SPMIP2: variants seen among roughly 807,000 people sequenced by gnomAD.
The protein encoded by SPMIP2 is protein SPMIP2.
the SPMIP2 span, among the ~76,000 whole-genome samples, chr4:159,044,491 T>C: frequency 1.3e-5 from 2 of 151,274 alleles, no homozygotes; most frequent in African/African-American, 2.4e-5. Context: ...ATGGGAGAAG[T>C]TAAAAAAAAA....
At chr4:158,935,551 T>C in the SPMIP2 span, among the ~76,000 whole-genome samples, 3 of 152,212 alleles carry the variant, frequency 2.0e-5, no homozygotes, top group African/African-American at 7.2e-5. Flanking sequence ...TGTGCTTGTT[T>C]CTCTAATGAT....
chr4:158,976,529 A>C, the SPMIP2 span, among the ~76,000 whole-genome samples: 2 of 152,130 alleles, frequency 1.3e-5, no homozygotes, highest in Non-Finnish European at 2.9e-5. Context: ...CCTTTTCTGC[A>C]TCTATTGAGA....
At chr4:159,054,024 A>G in the SPMIP2 span, among the ~76,000 whole-genome samples, 3 of 152,094 alleles carry the variant, frequency 2.0e-5, no homozygotes, top group Admixed American at 2.0e-4. Flanking sequence ...CCCAGGCTGG[A>G]GTATAGTGGT....
the SPMIP2 span, among the ~76,000 whole-genome samples, chr4:158,982,200 C>A: frequency 2.0e-5 from 3 of 152,154 alleles, no homozygotes; most frequent in Non-Finnish European, 4.4e-5. Context: ...GCACTCAATA[C>A]AGGAGCACCC....
At chr4:158,999,074 G>A in the SPMIP2 span, among the ~76,000 whole-genome samples, 1 of 151,906 alleles carries the variant, frequency 6.6e-6, no homozygotes, top group Non-Finnish European at 1.5e-5. Flanking sequence ...TGAGGCTGGA[G>A]GATTGCTTGA....
chr4:159,026,379 C>A, the SPMIP2 span: 1 of 812,866 alleles, frequency 1.2e-6, no homozygotes, highest in South Asian at 1.3e-5. Context: ...AGACTCTCTA[C>A]AACTTTACAG....
the SPMIP2 span, among the ~76,000 whole-genome samples, chr4:159,053,389 G>C: frequency 6.6e-6 from 1 of 152,180 alleles, no homozygotes; most frequent in African/African-American, 2.4e-5. Flanking sequence ...ATACACGGAT[G>C]GGTAATATAT....
At chr4:158,988,853 C>T in the SPMIP2 span, among the ~76,000 whole-genome samples, 2 of 152,152 alleles carry the variant, frequency 1.3e-5, no homozygotes, top group Admixed American at 6.6e-5. Flanking sequence ...TCTCACCACT[C>T]CTATTCAATG....
the SPMIP2 span, among the ~76,000 whole-genome samples, chr4:158,978,224 C>A: frequency 2.6e-5 from 4 of 152,212 alleles, no homozygotes; most frequent in South Asian, 6.2e-4. Context: ...GGTAGTTGTG[C>A]GGTTTTGAGT....
chr4:158,898,462 A>G, the SPMIP2 span, among the ~76,000 whole-genome samples: 1 of 152,130 alleles, frequency 6.6e-6, no homozygotes, highest in South Asian at 2.1e-4. Context: ...GATTCTTCCT[A>G]TCCATGAGCA....
At chr4:158,947,868 C>G in the SPMIP2 span, among the ~76,000 whole-genome samples, 7 of 151,906 alleles carry the variant, frequency 4.6e-5, no homozygotes, top group Non-Finnish European at 5.9e-5. Context: ...TCATTTTTAC[C>G]AAATAGAACA....
the SPMIP2 span, among the ~76,000 whole-genome samples, chr4:158,974,057 C>T: frequency 6.7e-6 from 1 of 149,540 alleles, no homozygotes; most frequent in Admixed American, 6.7e-5. Flanking sequence ...AGGATGTAGG[C>T]CTTCAGATAT....
the SPMIP2 span, among the ~76,000 whole-genome samples, chr4:159,011,010 T>C: frequency 0.99 from 151,287 of 152,250 alleles, 75,168 homozygotes; most frequent in East Asian, 1. Context: ...AACCACATGA[T>C]GTCTCTCTTT....
chr4:158,979,877 C>T, the SPMIP2 span, among the ~76,000 whole-genome samples: 2 of 137,568 alleles, frequency 1.5e-5, no homozygotes, highest in Admixed American at 1.6e-4. Context: ...GGAAAGGGGG[C>T]TGAAGCCAGG....
the SPMIP2 span, among the ~76,000 whole-genome samples, chr4:159,039,032 G>A: frequency 6.6e-6 from 1 of 152,064 alleles, no homozygotes; most frequent in African/African-American, 2.4e-5. Context: ...AGGCTGGAGT[G>A]CAGGGGCTCA....
chr4:159,068,233 C>A, the SPMIP2 span, among the ~76,000 whole-genome samples: 2 of 152,148 alleles, frequency 1.3e-5, no homozygotes, highest in Non-Finnish European at 2.9e-5. Flanking sequence ...AGGCACTATT[C>A]ACAATAGCAA....
chr4:158,942,563 A>G, the SPMIP2 span, among the ~76,000 whole-genome samples: 30 of 152,128 alleles, frequency 2.0e-4, no homozygotes, highest in Admixed American at 1.8e-3. Flanking sequence ...GAGGGTCAGG[A>G]GTTCGAAACC....
chr4:159,007,827 A>G, the SPMIP2 span: 6 of 560,046 alleles, frequency 1.1e-5, no homozygotes, highest in African/African-American at 7.5e-5. Context: ...GAAGCCATCT[A>G]TGCACTGAAT....
At chr4:159,043,160 C>G in the SPMIP2 span, among the ~76,000 whole-genome samples, 5 of 152,084 alleles carry the variant, frequency 3.3e-5, no homozygotes, top group Non-Finnish European at 5.9e-5. Context: ...TCCAGTTTAC[C>G]AAACATGTTT....
Sources: allele counts gnomAD v4.1 joint callset (sites outside exome capture counted in the v4.1 genomes callset), GRCh38; gene constraint gnomAD v4.1.1; transcripts MANE v1.5; gene names NCBI Gene and HGNC (gene_info 2026-07-23, HGNC 2026-07-21).